Variants in FAT2 observed in about 807,000 individuals in gnomAD.
The protein encoded by FAT2 is protocadherin Fat 2.
FAT2 carries 150 observed loss-of-function variants against 295.3 expected under a neutral mutation model. The observed-to-expected ratio is 0.51, with a 90% CI of 0.44 to 0.58. The LOEUF is 0.58. Among genes scored for constraint, FAT2 ranks in the 20% least tolerant of loss-of-function variants. FAT2 has a pLI of 0.00. For synonymous variants in FAT2, 2,026 were observed against 2,150.3 expected, an observed-to-expected ratio of 0.94 and a Z score of 1.60; for missense variants, 4,868 against 5,442.7, an observed-to-expected ratio of 0.89 and a Z score of 3.32.
chr5:151,584,173 A>C (rs1391287667), intron 1 of FAT2, among the ~76,000 whole-genome samples: 1 of 152,064 alleles, frequency 6.6e-6, no homozygotes, highest in East Asian at 1.9e-4. Flanking sequence ...GGAACCAGGA[A>C]GGAGACAGTT....
chr5:151,555,442 C>G (rs1377232574), intron 4 of FAT2, among the ~76,000 whole-genome samples: 1 of 148,434 alleles, frequency 6.7e-6, no homozygotes, highest in Non-Finnish European at 1.5e-5. Context: ...ACGATCTCAG[C>G]TCACTGCAAC....
intron 20 of FAT2, 111 bp downstream of exon 20, chr5:151,517,509 T>G: frequency 7.4e-7 from 1 of 1,346,500 alleles, no homozygotes; most frequent in Non-Finnish European, 1.0e-6. Context: ...CTGAAAACTG[T>G]GCAGGGATTT....
upstream of FAT2, among the ~76,000 whole-genome samples, chr5:151,593,262 C>A (rs539048469): frequency 6.6e-6 from 1 of 152,362 alleles, no homozygotes; most frequent in African/African-American, 2.4e-5. Flanking sequence ...GCCCCACGGG[C>A]CCTTTGATTA....
At chr5:151,532,080 G>C (rs754507198) in intron 13 of FAT2, 110 bp from the exon 14 acceptor site, 236 of 1,411,886 alleles carry the variant, frequency 1.7e-4, no homozygotes, top group Non-Finnish European at 2.2e-4. Flanking sequence ...CCATGAAGGC[G>C]GACAAGCTGG....
At chr5:151,578,549 A>C (rs1758828851) in intron 1 of FAT2, among the ~76,000 whole-genome samples, 1 of 152,224 alleles carries the variant, frequency 6.6e-6, no homozygotes, top group Non-Finnish European at 1.5e-5. Flanking sequence ...CCATTACGGA[A>C]AACAGTATGG....
intron 19 of FAT2, among the ~76,000 whole-genome samples, chr5:151,517,988 T>C (rs1166340570): frequency 1.3e-5 from 2 of 152,150 alleles, no homozygotes; most frequent in Admixed American, 1.3e-4. Flanking sequence ...CAGGGACCCC[T>C]GCCTTAGGTC....
intron 1 of FAT2, among the ~76,000 whole-genome samples, chr5:151,574,801 T>C (rs893822656): frequency 2.7e-5 from 4 of 150,880 alleles, no homozygotes; most frequent in African/African-American, 9.8e-5. Context: ...TGTTAGTTTG[T>C]AGGCAGCCAC....
chr5:151,553,428 G>A (rs768098575), intron 5 of FAT2, 41 bp from the exon 6 acceptor site: 11 of 1,580,960 alleles, frequency 7.0e-6, no homozygotes, highest in East Asian at 2.3e-5. Context: ...TTGGGGCCAA[G>A]AGACAGGAAG....
At chr5:151,530,912 A>G (rs1754521697) in intron 14 of FAT2, among the ~76,000 whole-genome samples, 1 of 152,168 alleles carries the variant, frequency 6.6e-6, no homozygotes, top group Non-Finnish European at 1.5e-5. Flanking sequence ...TCTCCATGGT[A>G]AATTTTAAAA....
intron 1 of FAT2, among the ~76,000 whole-genome samples, chr5:151,576,202 A>G (rs1287798833): frequency 1.3e-5 from 2 of 152,214 alleles, no homozygotes; most frequent in Non-Finnish European, 2.9e-5. Flanking sequence ...GCTAAAATTC[A>G]CGTATACTTA....
At chr5:151,541,372 A>AT in intron 10 of FAT2, among the ~76,000 whole-genome samples, 1 of 152,206 alleles carries the variant, frequency 6.6e-6, no homozygotes, top group Non-Finnish European at 1.5e-5. Context: ...TTATCCTGAG[A>AT]TTTTAAGACT....
chr5:151,572,511 C>T (rs1314453731), intron 1 of FAT2, among the ~76,000 whole-genome samples: 1 of 152,218 alleles, frequency 6.6e-6, no homozygotes, highest in Non-Finnish European at 1.5e-5. Context: ...GATTTCAAAT[C>T]ACAGCTCTAC....
At position 151,544,523 on chromosome 5, in the gene FAT2, G is replaced by A. The variant is rs200661496; in HGVS notation, c.6604C>T (p.Arg2202Trp). 135 of 1,614,016 alleles carry A rather than the reference G, an allele frequency of 8.4e-5. 1 individual carries two copies. In the South Asian group the frequency reaches 1.1e-3, roughly 14 times the overall value. ...TCCTCCACAATGTTGTAGATGAGCC[G>A]GAGTCCCTCTGGACTCCGGGCCTGG... ...HTQARSPEGL[R>W]LIYNIVEEEP... The change falls in exon 10 of 24, where the codon CGG (arginine) becomes TGG (tryptophan). Residue 2202 changes from arginine (R) to tryptophan (W), a missense_variant. Coordinates refer to ENST00000261800, the MANE Select transcript of FAT2 (RefSeq NM_001447.3).
At chr5:151,592,774 G>A (rs1415926662), upstream of FAT2, among the ~76,000 whole-genome samples, 1 of 152,108 alleles carries the variant, frequency 6.6e-6, no homozygotes, top group Non-Finnish European at 1.5e-5. Flanking sequence ...CAAAACTGAG[G>A]CCTGGTTCTA....
intron 1 of FAT2, 69 bp from the exon 2 acceptor site, chr5:151,569,020 A>G (rs1479028465): frequency 7.0e-7 from 1 of 1,419,782 alleles, no homozygotes; most frequent in Non-Finnish European, 9.4e-7. Flanking sequence ...GTGATTCTTA[A>G]CTGGAGGTGA....
chr5:151,562,883 T>G (rs561481430), intron 3 of FAT2, among the ~76,000 whole-genome samples: 3 of 152,210 alleles, frequency 2.0e-5, no homozygotes, highest in Non-Finnish European at 2.9e-5. Flanking sequence ...TTGCCAGCAC[T>G]CTGGGCGGGG....
rs1357726134 is a variant in FAT2 at position 151,551,480 on chromosome 5, G to A, written c.4283C>T (p.Thr1428Ile). 1 of 1,614,134 alleles carries A rather than the reference G, an allele frequency of 6.2e-7. No individual in the cohort carries two copies. Among genetic ancestry groups the A allele is most frequent in the African/African-American group, 1.3e-5 (1 of 75,044 alleles). ...GAGGCCTCTAACCTGTGTGGCAATG[G>A]TGCGGGACCCATCTGTCACCTCAAC... ...LTVEVTDGSR[T>I]IATQVHIFMI... Residue 1428 changes from threonine to isoleucine, a missense_variant, in exon 7 of 24, where the codon ACC (threonine) becomes ATC (isoleucine). By Grantham distance (89) the Thr-to-Ile change is moderately conservative (BLOSUM62 -1). Coordinates refer to ENST00000261800, the MANE Select transcript of FAT2 (RefSeq NM_001447.3).
chr5:151,565,581 C>A (rs1346443988), intron 2 of FAT2, 92 bp downstream of exon 2: 4 of 1,305,612 alleles, frequency 3.1e-6, no homozygotes. Flanking sequence ...TGCAGGCTGA[C>A]TCCTTTTTCC....
Position 151,544,990 on chromosome 5 carries a change from C to T in FAT2, c.6137G>A (p.Arg2046Gln), listed in dbSNP as rs201798435. The change falls in exon 10 of 24, where the codon CGG becomes CAG. Residue 2046 changes from arginine to glutamine, a missense_variant. Physicochemically the swap from Arg to Gln is conservative, Grantham distance 43 (BLOSUM62 1). Transcript: ENST00000261800. Reference sequence around the variant, plus strand: ...ACCCTGAGCCACCCGCTGAGGTGTCCGATTGTCCCTCACTTCCACTGCCAA... The same window carrying T: ...ACCCTGAGCCACCCGCTGAGGTGTCTGATTGTCCCTCACTTCCACTGCCAA... The part of the protein sequence containing the change: ...HELAVEVRDN[R>Q]TPQRVAQGLV... The T allele has an allele frequency of 9.3e-6, 15 of 1,614,048 alleles. No homozygotes were observed. The highest frequency in any genetic ancestry group is 7.7e-5 in the South Asian group (7 of 91,082).
Sources: gnomAD v4.1 joint callset for allele counts (sites outside exome capture counted in the v4.1 genomes callset) on GRCh38, gnomAD v4.1.1 for gene constraint, MANE v1.5 for transcripts, NCBI Gene and HGNC (gene_info 2026-07-23, HGNC 2026-07-21) for gene names.